The following COL4A2 variants were observed in gnomAD, a reference collection of about 807,000 sequenced individuals.
COL4A2 encodes the protein collagen type IV alpha 2 chain.
Under a neutral mutation model 200.2 loss-of-function variants are expected in COL4A2, and 99 were observed. The ratio of observed to expected loss-of-function variants is 0.49; its 90% CI spans 0.42 to 0.58. The LOEUF (loss-of-function observed/expected upper bound fraction) is 0.58. COL4A2 is among the 20% of genes least tolerant of loss of function. The pLI is 0.00. For synonymous variants in COL4A2, 897 were observed against 900.6 expected, an observed-to-expected ratio of 1.00 and a Z score of 0.07; for missense variants, 1,950 against 2,314.1, an observed-to-expected ratio of 0.84 and a Z score of 3.23.
intron 4 of COL4A2, among the ~76,000 whole-genome samples, chr13:110,404,547 A>C (rs1261101385): frequency 2.0e-5 from 3 of 152,180 alleles, no homozygotes; most frequent in Non-Finnish European, 4.4e-5. Context: ...CCGGGAGTGT[A>C]ATACAACAAG....
At position 110,472,106 on chromosome 13, in the gene COL4A2, C is replaced by A. The variant is rs1594093245; in HGVS notation, c.2204-823C>A. Among the ~76,000 whole-genome samples the A allele has an allele frequency of 1.6e-4, 3 of 18,940 alleles. No individual in the cohort carries two copies. In the South Asian group the frequency reaches 0.01, roughly 65 times the overall value. The allele number at this position is 18,940 out of a possible 152,430, so 12.4% of individuals were successfully genotyped here. A position where few individuals can be genotyped will look rare whatever the true frequency, so the allele number is the denominator to read the frequency against. ...TCCGCAGATGGGACTTGATGATTTT[C>A]TTTTTTCTTTTTATTTTTTTCTCTT... On this transcript the variant is annotated intron_variant, in intron 28 of 47. Coordinates refer to ENST00000360467, the MANE Select transcript of COL4A2 (RefSeq NM_001846.4).
intron 3 of COL4A2, among the ~76,000 whole-genome samples, chr13:110,351,313 G>A (rs984891945): frequency 7.2e-5 from 11 of 152,050 alleles, no homozygotes; most frequent in African/African-American, 2.2e-4. Context: ...GAGCTCAAGC[G>A]ATCTGCCTGC....
At chr13:110,354,312 G>A (rs770573478) in intron 3 of COL4A2, among the ~76,000 whole-genome samples, 6 of 152,088 alleles carry the variant, frequency 3.9e-5, no homozygotes, top group African/African-American at 9.7e-5. Context: ...GCATGAATGC[G>A]CCAGCCCATC....
chr13:110,507,876 C>A (rs1486672872), intron 46 of COL4A2, 59 bp from the exon 47 acceptor site: 3 of 1,553,686 alleles, frequency 1.9e-6, no homozygotes, highest in African/African-American at 1.3e-5. Flanking sequence ...CTGGCTGGGG[C>A]TGGCAGGTGC....
chr13:110,485,579 C>A, intron 33 of COL4A2, 76 bp from the exon 34 acceptor site: 1 of 1,086,900 alleles, frequency 9.2e-7, no homozygotes, highest in Non-Finnish European at 1.3e-6. Context: ...AAAATGCATC[C>A]AGGCTGCAAA....
intron 4 of COL4A2, among the ~76,000 whole-genome samples, chr13:110,377,623 G>A (rs9521729): frequency 0.27 from 41,067 of 152,072 alleles, 5,834 homozygotes; most frequent in East Asian, 0.38. Flanking sequence ...AAAGCTTTTC[G>A]AAATAATCCC....
At chr13:110,353,120 T>A (rs1427304678) in intron 3 of COL4A2, among the ~76,000 whole-genome samples, 2 of 152,224 alleles carry the variant, frequency 1.3e-5, no homozygotes, top group African/African-American at 4.8e-5. Flanking sequence ...TTCATGAGCC[T>A]GTGATTGTTG....
chr13:110,368,081 C>G (rs1236247522), intron 4 of COL4A2, among the ~76,000 whole-genome samples: 1 of 152,126 alleles, frequency 6.6e-6, no homozygotes, highest in Non-Finnish European at 1.5e-5. Flanking sequence ...GACTTCTCTT[C>G]GAAGAATGAT....
chr13:110,470,688 G>T (rs186145628), intron 28 of COL4A2, among the ~76,000 whole-genome samples: 2 of 152,138 alleles, frequency 1.3e-5, no homozygotes, highest in African/African-American at 4.8e-5. Flanking sequence ...ACAGAACATC[G>T]GGACTGTTGC....
At chr13:110,505,349 CA>C (rs1203998407) in intron 45 of COL4A2, among the ~76,000 whole-genome samples, 86 of 136,742 alleles carry the variant, frequency 6.3e-4, no homozygotes, top group East Asian at 6.4e-4. Flanking sequence ...GACTCCGTCT[CA>C]AAAAAAAAAA....
intron 4 of COL4A2, among the ~76,000 whole-genome samples, chr13:110,384,157 A>G (rs1308009951): frequency 6.6e-6 from 1 of 152,204 alleles, no homozygotes; most frequent in African/African-American, 2.4e-5. Flanking sequence ...AAAATTAAAT[A>G]CCAAAGCCAT....
At chr13:110,496,592 AGT>A (rs1594109197) in intron 40 of COL4A2, among the ~76,000 whole-genome samples, 3,140 of 91,194 alleles carry the variant, frequency 0.034, 3 homozygotes, top group South Asian at 0.093. Context: ...CCTCAGTCAG[AGT>A]TGAGGATCTA....
chr13:110,314,420 T>C lies in COL4A2; in HGVS notation c.99+6297T>C, dbSNP rs150729971. 2.2e-4 allele frequency among the ~76,000 whole-genome samples: 33 copies of C among 152,334 alleles called. 1 individual carries two copies. In the East Asian group the frequency reaches 6.4e-3, roughly 29 times the overall value. ...ATGTTGCTCCCATTCTTTTCTCTCA[T>C]AGAGTAAGTGAACAGAAGTCTCTTC... is the stretch of plus-strand genomic sequence containing the variant. On this transcript the variant is annotated intron_variant, in intron 3 of 47. Transcript: ENST00000360467.
At chr13:110,458,165 G>A (rs771191640) in intron 21 of COL4A2, 1 of 468,638 alleles carries the variant, frequency 2.1e-6, no homozygotes, top group East Asian at 7.0e-5. Flanking sequence ...CATGACCTGA[G>A]AGCAGGCACC....
intron 4 of COL4A2, among the ~76,000 whole-genome samples, chr13:110,370,659 T>A (rs1877964399): frequency 6.6e-6 from 1 of 152,248 alleles, no homozygotes; most frequent in Non-Finnish European, 1.5e-5. Context: ...GATTTTGTTT[T>A]GATTCCTGTT....
chr13:110,472,645 T>G (rs1205635297), intron 28 of COL4A2, among the ~76,000 whole-genome samples: 2 of 152,146 alleles, frequency 1.3e-5, no homozygotes, highest in Non-Finnish European at 2.9e-5. Context: ...CCATGAATTA[T>G]GCAAATCGAG....
At chr13:110,409,941 G>A (rs528497664) in intron 4 of COL4A2, among the ~76,000 whole-genome samples, 2 of 151,984 alleles carry the variant, frequency 1.3e-5, no homozygotes, top group African/African-American at 2.4e-5. Context: ...CGGCCCACAC[G>A]TCCCGCCCGC....
intron 41 of COL4A2, chr13:110,502,610 C>T (rs550738333): frequency 1.3e-5 from 2 of 153,216 alleles, no homozygotes; most frequent in Admixed American, 1.3e-4. Flanking sequence ...CAGGTGTAAG[C>T]CACCTTGCCC....
chr13:110,342,777 AACCAAATCTGCAGC>A (rs1234659255), intron 3 of COL4A2, among the ~76,000 whole-genome samples: 1 of 152,158 alleles, frequency 6.6e-6, no homozygotes. Flanking sequence ...ATTCAGAGCA[AACCAAATCTGCAGC>A]ACTGGAGACC....
Sources: gnomAD v4.1 joint callset for allele counts (sites outside exome capture counted in the v4.1 genomes callset) on GRCh38, gnomAD v4.1.1 for gene constraint, MANE v1.5 for transcripts, NCBI Gene and HGNC (gene_info 2026-07-23, HGNC 2026-07-21) for gene names.